Variants in PHEX observed in about 807,000 individuals in gnomAD.
PHEX encodes the protein phosphate-regulating neutral endopeptidase PHEX.
PHEX carries 16 observed loss-of-function variants against 68.0 expected under a neutral mutation model. The ratio of observed to expected loss-of-function variants is 0.24; its 90% CI spans 0.16 to 0.36. PHEX has a LOEUF of 0.36. PHEX is among the 10% of genes least tolerant of loss of function. The pLI is 1.00. For missense variants in PHEX, 480 were observed against 575.5 expected (o/e 0.83, Z 1.70); for synonymous variants, 208 against 205.1 (o/e 1.01, Z -0.12).
chrX:22,142,129 G>A (rs957512653), intron 12 of PHEX, among the ~76,000 whole-genome samples: 1 of 111,583 alleles, frequency 9.0e-6, no homozygotes, highest in Non-Finnish European at 1.9e-5. Context: ...GCAGGCGCCT[G>A]TAATCCCAGC....
intron 20 of PHEX, among the ~76,000 whole-genome samples, chrX:22,230,902 T>C (rs957966114): frequency 1.8e-5 from 2 of 111,820 alleles, no homozygotes; most frequent in African/African-American, 6.5e-5. Flanking sequence ...CAGTATGATA[T>C]TAGCTGTGGG....
chrX:22,144,314 T>C (rs1932586528), intron 12 of PHEX, among the ~76,000 whole-genome samples: 1 of 111,853 alleles, frequency 8.9e-6, no homozygotes, highest in Non-Finnish European at 1.9e-5. Context: ...GCCAGTTACA[T>C]AATTACATTG....
intron 13 of PHEX, chrX:22,173,049 A>G (rs1375502935): frequency 9.3e-6 from 1 of 107,608 alleles, no homozygotes. Flanking sequence ...GTGTGTGTAC[A>G]TGACAGAGAG....
At chrX:22,182,918 A>G (rs1247195846) in intron 14 of PHEX, among the ~76,000 whole-genome samples, 1 of 111,923 alleles carries the variant, frequency 8.9e-6, no homozygotes, top group African/African-American at 3.2e-5. Flanking sequence ...TTTAAATATT[A>G]AATTTTGTTT....
intron 11 of PHEX, among the ~76,000 whole-genome samples, chrX:22,121,073 G>T (rs1353461814): frequency 1.8e-5 from 2 of 111,846 alleles, no homozygotes; most frequent in East Asian, 2.8e-4. Context: ...GGTATTTTTT[G>T]CTGCTCCCTC....
intron 5 of PHEX, among the ~76,000 whole-genome samples, chrX:22,081,733 T>C (rs1403531699): frequency 1.8e-5 from 2 of 112,011 alleles, no homozygotes; most frequent in Non-Finnish European, 1.9e-5. Context: ...GGCAAAATGA[T>C]ACAGGGTTTG....
chrX:22,168,410 A>C lies in PHEX; in HGVS notation c.1482+21A>C, dbSNP rs748162873. ...AAGCTGTAAGTGCTAAATTTACTGTACTTTTTTTTTTCTGGCAAGTTTTAC... is the reference window on the plus strand; with the variant it reads ...AAGCTGTAAGTGCTAAATTTACTGTCCTTTTTTTTTTCTGGCAAGTTTTAC... On this transcript the variant is annotated intron_variant, in intron 13 of 21. Coordinates refer to ENST00000379374, the MANE Select transcript of PHEX (RefSeq NM_000444.6). The C allele has an allele frequency of 1.0e-5, 11 of 1,056,260 alleles. No homozygotes were observed. In the Admixed American group the frequency reaches 1.3e-4, roughly 13 times the overall value. The allele number at this position is 1,056,260 out of a possible 1,213,427, so 87.0% of individuals were successfully genotyped here. A position where few individuals can be genotyped will look rare whatever the true frequency, so the allele number is the denominator to read the frequency against.
intron 20 of PHEX, among the ~76,000 whole-genome samples, chrX:22,230,812 A>G (rs941049169): frequency 2.7e-4 from 30 of 111,288 alleles, no homozygotes; most frequent in African/African-American, 9.2e-4. Context: ...TTCCAATACT[A>G]TGTTGAATAG....
intron 14 of PHEX, among the ~76,000 whole-genome samples, chrX:22,181,824 T>C (rs7884100): frequency 0.048 from 5,381 of 111,950 alleles, 308 homozygotes; most frequent in African/African-American, 0.16. Flanking sequence ...AGGTATTTTA[T>C]TTTATTCGTA....
chrX:22,217,738 ATCATTGTTACTT>A (rs1219859678), intron 16 of PHEX, among the ~76,000 whole-genome samples: 1 of 112,035 alleles, frequency 8.9e-6, no homozygotes, highest in Non-Finnish European at 1.9e-5. Flanking sequence ...AATCAGTTAA[ATCATTGTTACTT>A]TCTTACGCTG....
In PHEX at chrX:22,225,236, G is replaced by GTAAT. The variant is rs927216276; in HGVS notation, c.1900-1204_1900-1201dup. 8.2e-5 allele frequency among the ~76,000 whole-genome samples: 9 copies of GTAAT among 109,510 alleles called. No homozygotes were observed. The East Asian group carries it at 1.2e-3, about 14-fold the overall frequency. On this transcript the variant is annotated intron_variant, in intron 18 of 21. Coordinates refer to ENST00000379374, the MANE Select transcript of PHEX (RefSeq NM_000444.6). ...CCCTTTTCCTCTTGTAAGAACTTTTGTAATTACACTGGGTCCACCTGGACA... is the reference window on the plus strand; with the variant it reads ...CCCTTTTCCTCTTGTAAGAACTTTTGTAATTAATTACACTGGGTCCACCTGGACA...
At chrX:22,243,873 G>T (rs891705248) in intron 20 of PHEX, among the ~76,000 whole-genome samples, 1 of 112,119 alleles carries the variant, frequency 8.9e-6, no homozygotes, top group Non-Finnish European at 1.9e-5. Flanking sequence ...AGACAGTGTG[G>T]CGATTCCTCA....
At chrX:22,112,802 C>T (rs751325317) in intron 10 of PHEX, among the ~76,000 whole-genome samples, 1 of 110,412 alleles carries the variant, frequency 9.1e-6, no homozygotes, top group East Asian at 2.8e-4. Flanking sequence ...ACTCGGGGGG[C>T]TGAGGCAGGA....
Position 22,178,363 on chromosome X carries a change from G to T in PHEX, c.1573G>T (p.Val525Phe). The change falls in exon 14 of 22, where the codon GTT becomes TTT. Residue 525 changes from valine (V) to phenylalanine (F), a missense_variant. Physicochemically the swap from Val to Phe is conservative, Grantham distance 50. Coordinates refer to ENST00000379374, the MANE Select transcript of PHEX (RefSeq NM_000444.6). ...QSDFFWLRKA[V>F]PKTEWFTNPT... The stretch of plus-strand genomic sequence containing the variant: ...TGATTTCTTCTGGCTAAGAAAAGCC[G>T]TTCCAAAAACAGAGTGAGTATTAAA... 8.5e-7 allele frequency: 1 copy of T among 1,180,082 alleles called. No homozygotes were observed. Among genetic ancestry groups the T allele is most frequent in the Non-Finnish European group, 1.2e-6 (1 of 868,868 alleles).
chrX:22,230,229 CTTTTTTTTTTTTTTTT>C (rs140475343), intron 20 of PHEX, among the ~76,000 whole-genome samples: 394 of 10,987 alleles, frequency 0.036, 16 homozygotes, highest in African/African-American at 0.1. Flanking sequence ...TATATGGGCT[CTTTTTTTTTTTTTTTT>C]TTTTTTTTTT....
At chrX:22,059,136 T>C (rs1340218914) in intron 3 of PHEX, among the ~76,000 whole-genome samples, 3 of 111,624 alleles carry the variant, frequency 2.7e-5, no homozygotes, top group Non-Finnish European at 5.6e-5. Context: ...TTCTTTCTTA[T>C]CCCTAGGGGA....
At chrX:22,097,794 GT>G in intron 8 of PHEX, 2 of 534,701 alleles carry the variant, frequency 3.7e-6, no homozygotes, top group Non-Finnish European at 4.6e-6. Context: ...TTGAGACACA[GT>G]CTTGCTGTGT....
At position 22,104,490 on chromosome X, in the gene PHEX, T is replaced by C. The variant is rs1005063137; in HGVS notation, c.1079+5339T>C. ...GAGGTAGTGATGATCCCTCATGTTATGTGCATCTCTTCCTAACTACATGTT... is the reference window on the plus strand; with the variant it reads ...GAGGTAGTGATGATCCCTCATGTTACGTGCATCTCTTCCTAACTACATGTT... On this transcript the variant is annotated intron_variant, in intron 9 of 21. Transcript: ENST00000379374. Among the ~76,000 whole-genome samples, 3 of 111,651 alleles carry C rather than the reference T, an allele frequency of 2.7e-5. No individual in the cohort carries two copies. The East Asian group carries it at 8.4e-4, about 31-fold the overall frequency.
chrX:22,091,353 A>G (rs1929875981), intron 6 of PHEX, among the ~76,000 whole-genome samples: 1 of 111,594 alleles, frequency 9.0e-6, no homozygotes, highest in Admixed American at 9.5e-5. Context: ...CTCAGCAACC[A>G]GGCTCAAAAT....
Sources: gnomAD v4.1 joint callset for allele counts (sites outside exome capture counted in the v4.1 genomes callset) on GRCh38, gnomAD v4.1.1 for gene constraint, MANE v1.5 for transcripts, NCBI Gene and HGNC (gene_info 2026-07-23, HGNC 2026-07-21) for gene names.